DNAH8: variants seen among roughly 807,000 people sequenced by gnomAD.
DNAH8 encodes axonemal beta dynein heavy chain 8.
DNAH8 carries 382 observed loss-of-function variants against 562.1 expected under a neutral mutation model. The ratio of observed to expected loss-of-function variants is 0.68; its 90% confidence interval spans 0.63 to 0.74. The LOEUF (loss-of-function observed/expected upper bound fraction) is 0.74, where lower values mean the gene tolerates loss of function less well. Among genes scored for constraint, DNAH8 ranks in the 30% least tolerant of loss-of-function variants. The probability of loss-of-function intolerance (pLI) is 0.00; values close to 1 mark genes in which losing one functional copy is unlikely to be tolerated. For missense variants in DNAH8, 5,203 were observed against 5,620.4 expected, an observed-to-expected ratio of 0.93 and a Z score of 2.37; for synonymous variants, 1,881 against 1,919.4, an observed-to-expected ratio of 0.98 and a Z score of 0.52.
chr6:38,939,298 G>A (rs937435639), intron 79 of DNAH8, among the ~76,000 whole-genome samples: 1 of 152,184 alleles, frequency 6.6e-6, no homozygotes, highest in South Asian at 2.1e-4. Context: ...TAGCAGGACA[G>A]CCATTCCCTC....
At chr6:39,017,725 GA>G (rs1766655084) in intron 91 of DNAH8, among the ~76,000 whole-genome samples, 1 of 152,282 alleles carries the variant, frequency 6.6e-6, no homozygotes, top group East Asian at 1.9e-4. Flanking sequence ...TGCAAATCAA[GA>G]TTTTTCAGTT....
At chr6:38,999,521 T>G (rs748899350) in intron 88 of DNAH8, among the ~76,000 whole-genome samples, 9 of 151,914 alleles carry the variant, frequency 5.9e-5, no homozygotes, top group Non-Finnish European at 1.3e-4. Flanking sequence ...GATAAAATAA[T>G]AAGAAGAATA....
chr6:38,943,000 A>T (rs1783585088), intron 79 of DNAH8, among the ~76,000 whole-genome samples: 1 of 152,244 alleles, frequency 6.6e-6, no homozygotes, highest in Non-Finnish European at 1.5e-5. Context: ...AAGGCTGAAC[A>T]CATGGGTTGT....
chr6:39,005,183 G>A (rs1401709032), intron 88 of DNAH8, among the ~76,000 whole-genome samples: 1 of 152,172 alleles, frequency 6.6e-6, no homozygotes, highest in Admixed American at 6.5e-5. Context: ...AGGCCAAGGT[G>A]GGTGAATTGC....
intron 85 of DNAH8, among the ~76,000 whole-genome samples, chr6:38,974,888 C>T (rs557865118): frequency 6.6e-6 from 1 of 152,134 alleles, no homozygotes; most frequent in South Asian, 2.1e-4. Context: ...TTTGAAAGTG[C>T]CTGTGCTGGC....
chr6:39,019,869 A>G (rs1766794970), intron 91 of DNAH8, among the ~76,000 whole-genome samples: 1 of 152,196 alleles, frequency 6.6e-6, no homozygotes, highest in Non-Finnish European at 1.5e-5. Context: ...TTGTCAATGC[A>G]GCAGAAATTC....
intron 30 of DNAH8, among the ~76,000 whole-genome samples, chr6:38,831,832 G>A (rs1306329554): frequency 3.9e-5 from 6 of 152,158 alleles, no homozygotes; most frequent in Non-Finnish European, 8.8e-5. Context: ...CAGATAGCAA[G>A]CATTATTTAA....
At chr6:38,887,439 G>A (rs1274843610) in intron 57 of DNAH8, among the ~76,000 whole-genome samples, 2 of 151,924 alleles carry the variant, frequency 1.3e-5, no homozygotes, top group African/African-American at 4.8e-5. Context: ...GTGTAGGTCA[G>A]CCCATGCCTA....
chr6:38,982,573 C>A, intron 86 of DNAH8, 111 bp downstream of exon 86: 1 of 653,714 alleles, frequency 1.5e-6, no homozygotes, highest in Non-Finnish European at 2.7e-6. Context: ...CCATGGAGCC[C>A]CCTTTGAAGG....
rs757544802 is a variant in DNAH8, at chr6:38,931,807, G to A, written c.11275-4G>A. On this transcript the variant is annotated splice_polypyrimidine_tract_variant and splice_region_variant and intron_variant, in intron 75 of 92. Coordinates refer to ENST00000327475, the MANE Select transcript of DNAH8 (RefSeq NM_001206927.2). ...TTTTTAATTTTATATGTGAATTTAT[G>A]TAGGTGAAAGTCGGTGATAAGGAAT... 2.0e-6 allele frequency: 3 copies of A among 1,531,310 alleles called. No individual in the cohort carries two copies. Among genetic ancestry groups the A allele is most frequent in the Non-Finnish European group, 2.6e-6 (3 of 1,138,624 alleles). 94.9% of individuals were successfully genotyped at this position (1,531,310 alleles called of 1,614,324 possible).
At chr6:38,733,261 A>C (rs77231801) in intron 4 of DNAH8, among the ~76,000 whole-genome samples, 38,381 of 151,996 alleles carry the variant, frequency 0.25, 5,783 homozygotes, top group Non-Finnish European at 0.35. Context: ...GATTTTTGCA[A>C]ATTAATATTG....
intron 73 of DNAH8, 61 bp from the exon 74 acceptor site, chr6:38,925,994 A>G: frequency 3.6e-6 from 5 of 1,403,248 alleles, no homozygotes; most frequent in Non-Finnish European, 4.8e-6. Flanking sequence ...AGTACTTTTA[A>G]TTACTAATGA....
intron 82 of DNAH8, among the ~76,000 whole-genome samples, chr6:38,962,156 G>A (rs1762646397): frequency 6.6e-6 from 1 of 151,960 alleles, no homozygotes; most frequent in East Asian, 1.9e-4. Flanking sequence ...AGAATAAATG[G>A]AGAGGTAAGC....
rs1271072061 is a variant in DNAH8, at chr6:38,873,040, C to T, written c.7372C>T (p.Leu2458Phe). ...CATTCCCATGGCCCCTAGTTGTAAGCTTCTGTTTGAAGTCCACAATATCGA... is the reference window on the plus strand; with the variant it reads ...CATTCCCATGGCCCCTAGTTGTAAGTTTCTGTTTGAAGTCCACAATATCGA... ...DRIPMAPSCK[L>F]LFEVHNIENA... The change falls in exon 51 of 93, where the codon CTT becomes TTT. Residue 2458 changes from leucine to phenylalanine, a missense_variant. Transcript: ENST00000327475. 19 of 1,613,994 alleles carry T rather than the reference C, an allele frequency of 1.2e-5. No homozygotes were observed. In the Admixed American group the frequency reaches 3.2e-4, roughly 27 times the overall value.
At chr6:38,905,736 A>G (rs1259329193) in intron 62 of DNAH8, among the ~76,000 whole-genome samples, 4 of 152,120 alleles carry the variant, frequency 2.6e-5, no homozygotes. Flanking sequence ...TAAACGAAAT[A>G]TTTGTTTTGA....
At chr6:38,999,458 T>C (rs781714355) in intron 88 of DNAH8, among the ~76,000 whole-genome samples, 45 of 151,824 alleles carry the variant, frequency 3.0e-4, no homozygotes, top group Non-Finnish European at 2.4e-4. Flanking sequence ...TTTCTTAGCA[T>C]GAATGGAAAT....
intron 8 of DNAH8, among the ~76,000 whole-genome samples, chr6:38,746,669 C>T (rs1254763067): frequency 6.6e-6 from 1 of 152,012 alleles, no homozygotes; most frequent in African/African-American, 2.4e-5. Flanking sequence ...TGGCTCACGC[C>T]TGTAATCCCA....
chr6:38,957,087 G>A (rs192905064), intron 82 of DNAH8, among the ~76,000 whole-genome samples: 1 of 152,030 alleles, frequency 6.6e-6, no homozygotes, highest in East Asian at 1.9e-4. Flanking sequence ...AATGAAGGAT[G>A]GAAAAGATAT....
Position 38,715,367 on chromosome 6 carries a change from G to C in DNAH8, c.-83G>C, listed in dbSNP as rs566322366. The stretch of plus-strand genomic sequence containing the variant: ...CCGGGGCAGCGCAACCGCTGGGGCC[G>C]GCCTCAGTGGGCTGAGTGGTCGGGG... On this transcript the variant is annotated 5_prime_UTR_variant, in exon 1 of 93. Coordinates refer to ENST00000327475, the MANE Select transcript of DNAH8 (RefSeq NM_001206927.2). 2.0e-5 allele frequency: 3 copies of C among 152,446 alleles called. No homozygotes were observed. The highest frequency in any genetic ancestry group is 4.1e-4 in the South Asian group (2 of 4,830). The allele number at this position is 152,446 out of a possible 1,614,324, so 9.4% of individuals were successfully genotyped here.
Sources: gnomAD v4.1 joint callset for allele counts (sites outside exome capture counted in the v4.1 genomes callset) on GRCh38, gnomAD v4.1.1 for gene constraint, MANE v1.5 for transcripts, NCBI Gene and HGNC (gene_info 2026-07-23, HGNC 2026-07-21) for gene names.